Variants in LAMA2 observed in about 807,000 individuals in gnomAD.
LAMA2 encodes the protein laminin subunit alpha 2.
A neutral mutation model predicts 364.8 loss-of-function variants in LAMA2; 269 were observed. The observed-to-expected ratio is 0.74, with a 90% confidence interval of 0.67 to 0.82. LAMA2 has a LOEUF of 0.82. Ranked by LOEUF, LAMA2 falls within the 40% of genes least tolerant of loss-of-function variation. LAMA2 has a pLI of 0.00. For synonymous variants in LAMA2, 1,379 were observed against 1,370.6 expected, an observed-to-expected ratio of 1.01 and a Z score of -0.14; for missense variants, 3,807 against 3,873.2, an observed-to-expected ratio of 0.98 and a Z score of 0.45.
chr6:129,229,777 G>A (rs1176576845), intron 12 of LAMA2, among the ~76,000 whole-genome samples: 2 of 152,130 alleles, frequency 1.3e-5, no homozygotes, highest in Non-Finnish European at 2.9e-5. Flanking sequence ...AGAAAGAGGA[G>A]TTGAGGATTA....
At chr6:129,444,776 A>G (rs1050044556) in intron 44 of LAMA2, among the ~76,000 whole-genome samples, 5 of 152,230 alleles carry the variant, frequency 3.3e-5, no homozygotes, top group Non-Finnish European at 7.3e-5. Context: ...TTGAACCTTA[A>G]GCAGTTTAAC....
At chr6:129,329,794 C>T (rs1775523562) in intron 29 of LAMA2, among the ~76,000 whole-genome samples, 1 of 152,200 alleles carries the variant, frequency 6.6e-6, no homozygotes, top group Admixed American at 6.5e-5. Flanking sequence ...CCCTGGGCCA[C>T]AGGAGGATAT....
chr6:129,011,945 G>A (rs1784793442), intron 1 of LAMA2, among the ~76,000 whole-genome samples: 1 of 152,128 alleles, frequency 6.6e-6, no homozygotes, highest in Non-Finnish European at 1.5e-5. Context: ...GGGGTTTAAT[G>A]TTGTTAAATA....
At position 128,944,399 on chromosome 6, in the gene LAMA2, C is replaced by T. The variant is rs572832408; in HGVS notation, c.112+61042C>T. Among the ~76,000 whole-genome samples, 56 of 152,234 alleles carry T rather than the reference C, an allele frequency of 3.7e-4. No homozygotes were observed. The East Asian group carries it at 4.4e-3, about 12-fold the overall frequency. ...CTAGGTTAAATCTGGAAAATATAAA[C>T]CTCAGGTGCCAGACTTCAGAGGGAT... On this transcript the variant is annotated intron_variant, in intron 1 of 64. Coordinates refer to ENST00000421865, the MANE Select transcript of LAMA2 (RefSeq NM_000426.4).
At chr6:129,180,662 C>T (rs1005754107) in intron 10 of LAMA2, among the ~76,000 whole-genome samples, 8 of 152,178 alleles carry the variant, frequency 5.3e-5, no homozygotes, top group African/African-American at 1.9e-4. Flanking sequence ...ATGGACATCA[C>T]TTCTCCCACT....
At chr6:129,339,831 C>G (rs957136630) in intron 29 of LAMA2, among the ~76,000 whole-genome samples, 2 of 151,962 alleles carry the variant, frequency 1.3e-5, no homozygotes, top group African/African-American at 2.4e-5. Context: ...GGTGAAACCC[C>G]GTCTTTACTG....
chr6:129,210,710 T>C lies in LAMA2; in HGVS notation c.1782+17857T>C, dbSNP rs868718241. Among the ~76,000 whole-genome samples, 7 of 152,280 alleles carry C rather than the reference T, an allele frequency of 4.6e-5. No individual in the cohort carries two copies. In the Middle Eastern group the frequency reaches 0.014, roughly 296 times the overall value. On this transcript the variant is annotated intron_variant, in intron 12 of 64. Transcript: ENST00000421865. ...TTCACAGGGCCTGTTGGGAAGAGGT[T>C]ATAATTTTTTAGCAACAGAACCTGT...
chr6:129,302,152 T>A (rs1249436158), intron 22 of LAMA2, among the ~76,000 whole-genome samples: 1 of 152,012 alleles, frequency 6.6e-6, no homozygotes, highest in African/African-American at 2.4e-5. Context: ...ATGTTTTCTC[T>A]TTTTTTTCTT....
At chr6:129,283,516 G>C (rs1196130687) in intron 18 of LAMA2, among the ~76,000 whole-genome samples, 1 of 151,792 alleles carries the variant, frequency 6.6e-6, no homozygotes, top group Non-Finnish European at 1.5e-5. Context: ...CCGCTCCCCA[G>C]CTGGCAAATT....
intron 10 of LAMA2, among the ~76,000 whole-genome samples, chr6:129,187,195 A>G (rs999909098): frequency 4.6e-5 from 7 of 151,712 alleles, no homozygotes; most frequent in Non-Finnish European, 1.0e-4. Context: ...ATGGATGACA[A>G]TGGTCGATGA....
At chr6:129,268,603 C>T (rs1237079404) in intron 16 of LAMA2, among the ~76,000 whole-genome samples, 1 of 151,826 alleles carries the variant, frequency 6.6e-6, no homozygotes, top group Non-Finnish European at 1.5e-5. Context: ...AACTAGAAGC[C>T]TTTTTTAACT....
chr6:128,890,131 AG>A (rs1376545667), intron 1 of LAMA2, among the ~76,000 whole-genome samples: 1 of 152,152 alleles, frequency 6.6e-6, no homozygotes, highest in Non-Finnish European at 1.5e-5. Flanking sequence ...TACCTCCCCA[AG>A]GCTCTTCATT....
At chr6:128,917,672 A>G (rs1420803041) in intron 1 of LAMA2, among the ~76,000 whole-genome samples, 1 of 124,262 alleles carries the variant, frequency 8.0e-6, no homozygotes, top group African/African-American at 3.0e-5. Context: ...TTTATTTTAT[A>G]CTCTCACCCT....
chr6:129,264,693 G>T (rs1389261208), intron 15 of LAMA2, among the ~76,000 whole-genome samples: 2 of 152,142 alleles, frequency 1.3e-5, no homozygotes, highest in African/African-American at 4.8e-5. Flanking sequence ...AATTTGGGAA[G>T]TGTGATGTCA....
rs572675363 is a variant in LAMA2 at position 129,440,963 on chromosome 6, A to G, written c.6233A>G (p.Lys2078Arg). 1 of 1,613,944 alleles carries G rather than the reference A, an allele frequency of 6.2e-7. No individual in the cohort carries two copies. Among genetic ancestry groups the G allele is most frequent in the South Asian group, 1.1e-5 (1 of 91,084 alleles). Residue 2078 changes from lysine to arginine, a missense_variant, in exon 43 of 65, where the codon AAA becomes AGA. Around this residue, in one of 3 missense-constraint regions of LAMA2, gnomAD observed 3,333 missense variants for 3,345.7 expected, o/e 1.00. Coordinates refer to ENST00000421865, the MANE Select transcript of LAMA2 (RefSeq NM_000426.4). ...NYNKLADSVA[K>R]TNAVVKDPSK... The stretch of plus-strand genomic sequence containing the variant: ...AATAAACTAGCAGACAGCGTCGCCA[A>G]AACGAATGCTGTGGTTAAAGATCCT...
intron 21 of LAMA2, 79 bp from the exon 22 acceptor site, chr6:129,300,657 C>A: frequency 1.4e-6 from 2 of 1,433,148 alleles, no homozygotes; most frequent in Non-Finnish European, 2.0e-6. Flanking sequence ...GACAAACCAA[C>A]ACAATATAAA....
At chr6:129,494,699 GA>G (rs1785064954) in intron 58 of LAMA2, among the ~76,000 whole-genome samples, 1 of 152,168 alleles carries the variant, frequency 6.6e-6, no homozygotes, top group Non-Finnish European at 1.5e-5. Flanking sequence ...TTAGTTCCAG[GA>G]GTTGATTTCA....
Position 129,004,738 on chromosome 6 carries a change from T to C in LAMA2, c.113-45180T>C, listed in dbSNP as rs76579096. 1.3e-4 allele frequency among the ~76,000 whole-genome samples: 20 copies of C among 152,322 alleles called. No individual in the cohort carries two copies. The East Asian group carries it at 1.5e-3, about 12-fold the overall frequency. ...ATTTATAATTCCTAATGCTATACAC[T>C]ATTATGTTACAGCTTGCACTTGTAT... On this transcript the variant is annotated intron_variant, in intron 1 of 64. Coordinates refer to ENST00000421865, the MANE Select transcript of LAMA2 (RefSeq NM_000426.4).
At chr6:129,110,402 A>G (rs946946761) in intron 4 of LAMA2, among the ~76,000 whole-genome samples, 15 of 152,100 alleles carry the variant, frequency 9.9e-5, no homozygotes, top group African/African-American at 2.4e-4. Context: ...AGATCATGCT[A>G]GATTTGCTGG....
Sources: gnomAD v4.1 joint callset for allele counts (sites outside exome capture counted in the v4.1 genomes callset) on GRCh38, gnomAD v4.1.1 for gene constraint, gnomAD v4.1.1 regional missense constraint, MANE v1.5 for transcripts, NCBI Gene and HGNC (gene_info 2026-07-23, HGNC 2026-07-21) for gene names.